Variants in SKI observed in about 807,000 individuals in gnomAD.
SKI encodes the protein ski oncogene.
Under a neutral mutation model 59.3 loss-of-function variants are expected in SKI, and 23 were observed. The observed-to-expected ratio is 0.39, with a 90% CI of 0.28 to 0.55. The LOEUF is 0.55. Among genes scored for constraint, SKI ranks in the 20% least tolerant of loss-of-function variants. The pLI is 0.67. For synonymous variants in SKI, 673 were observed against 488.6 expected (o/e 1.38, Z -4.98); for missense variants, 1,017 against 1,038.9 (o/e 0.98, Z 0.29).
chr1:2,246,234 G>A (rs985607423), intron 1 of SKI, among the ~76,000 whole-genome samples: 1 of 152,150 alleles, frequency 6.6e-6, no homozygotes, highest in Non-Finnish European at 1.5e-5. Flanking sequence ...ATCCTAATGG[G>A]TGTGAGGTGG....
At chr1:2,304,906 G>C (rs749578864) in intron 5 of SKI, among the ~76,000 whole-genome samples, 1 of 152,226 alleles carries the variant, frequency 6.6e-6, no homozygotes, top group Non-Finnish European at 1.5e-5. Context: ...TGTTTCTCTG[G>C]TATAAGGGAG....
chr1:2,251,719 G>A (rs1639155864), intron 1 of SKI, among the ~76,000 whole-genome samples: 1 of 152,238 alleles, frequency 6.6e-6, no homozygotes, highest in Non-Finnish European at 1.5e-5. Context: ...TAGGTTCACA[G>A]GTCTCAGCTG....
chr1:2,285,943 G>A (rs538400899), intron 1 of SKI, among the ~76,000 whole-genome samples: 6 of 142,178 alleles, frequency 4.2e-5, no homozygotes, highest in African/African-American at 1.3e-4. Flanking sequence ...GCACGATCTC[G>A]GCTCACTGCA....
intron 1 of SKI, among the ~76,000 whole-genome samples, chr1:2,253,308 A>G (rs1399377162): frequency 6.6e-6 from 1 of 151,996 alleles, no homozygotes; most frequent in Non-Finnish European, 1.5e-5. Flanking sequence ...CATGGGCTCC[A>G]GAGCACCCAG....
chr1:2,230,208 C>T (rs372873503), intron 1 of SKI, among the ~76,000 whole-genome samples: 15 of 152,358 alleles, frequency 9.8e-5, no homozygotes, highest in African/African-American at 1.7e-4. Flanking sequence ...GGCTGCCTGC[C>T]TTTGGGCCCC....
intron 1 of SKI, among the ~76,000 whole-genome samples, chr1:2,300,128 G>A (rs1809823): frequency 3.9e-5 from 6 of 152,100 alleles, no homozygotes; most frequent in South Asian, 2.1e-4. Flanking sequence ...AAGCTCACAC[G>A]CGTTGCCCGG....
At chr1:2,242,056 A>G (rs1048848666) in intron 1 of SKI, among the ~76,000 whole-genome samples, 1 of 152,098 alleles carries the variant, frequency 6.6e-6, no homozygotes, top group African/African-American at 2.4e-5. Flanking sequence ...TGGCAGAGTC[A>G]ATATCTTGTT....
rs573863671 is a variant in SKI, at chr1:2,229,334, C to G, written c.568C>G (p.Leu190Val). The change falls in exon 1 of 7, where the codon CTC becomes GTC. Residue 190 changes from leucine (L) to valine (V), a missense_variant. Leu to Val is a conservative substitution (Grantham distance 32). Coordinates refer to ENST00000378536, the MANE Select transcript of SKI (RefSeq NM_003036.4). The surrounding 1 kb of genome is among the most constrained non-coding windows in gnomAD (Gnocchi z 6.3). The stretch of plus-strand genomic sequence containing the variant: ...CGCCGAGCGCCTGTGCAACGCGCTG[C>G]TCTACGGCGGCGCCTACCCGCCGCC... Reference protein sequence around the residue: ...TDAERLCNALLYGGAYPPPCK... With the variant: ...TDAERLCNALVYGGAYPPPCK... The G allele has an allele frequency of 2.5e-6, 4 of 1,596,010 alleles. No individual in the cohort carries two copies. In the African/African-American group the frequency reaches 4.0e-5, roughly 16 times the overall value.
chr1:2,236,656 C>T (rs866342243), intron 1 of SKI, among the ~76,000 whole-genome samples: 5 of 152,192 alleles, frequency 3.3e-5, no homozygotes, highest in African/African-American at 4.8e-5. Context: ...CTGCCCACCT[C>T]GGCCTCCCAA....
intron 1 of SKI, among the ~76,000 whole-genome samples, chr1:2,255,485 G>A (rs991231294): frequency 6.6e-6 from 1 of 152,022 alleles, no homozygotes. Flanking sequence ...AACACACTGT[G>A]TCCTGACCTC....
chr1:2,288,424 G>A (rs1640091553), intron 1 of SKI, among the ~76,000 whole-genome samples: 1 of 152,220 alleles, frequency 6.6e-6, no homozygotes, highest in African/African-American at 2.4e-5. Flanking sequence ...GCCCAGCAGG[G>A]CTGTTTACTT....
chr1:2,283,470 C>G (rs1051225297), intron 1 of SKI, among the ~76,000 whole-genome samples: 1 of 152,334 alleles, frequency 6.6e-6, no homozygotes, highest in Non-Finnish European at 1.5e-5. Flanking sequence ...AGGGAGGGCC[C>G]TGTGATTCTC....
chr1:2,245,636 C>T (rs1638977276), intron 1 of SKI, among the ~76,000 whole-genome samples: 1 of 151,714 alleles, frequency 6.6e-6, no homozygotes, highest in Non-Finnish European at 1.5e-5. Context: ...CCACCATGCC[C>T]AGCTGATTTT....
chr1:2,295,367 A>G (rs1412768731), intron 1 of SKI, among the ~76,000 whole-genome samples: 1 of 152,268 alleles, frequency 6.6e-6, no homozygotes, highest in East Asian at 1.9e-4. Flanking sequence ...ATTCACTGTC[A>G]TATTTTTGAT....
chr1:2,277,070 A>AG (rs1225494261), intron 1 of SKI, among the ~76,000 whole-genome samples: 1 of 152,164 alleles, frequency 6.6e-6, no homozygotes, highest in Non-Finnish European at 1.5e-5. Flanking sequence ...GGCTGTAGGA[A>AG]GGGGTCTTTC....
intron 1 of SKI, among the ~76,000 whole-genome samples, chr1:2,237,572 G>T (rs1224905181): frequency 6.6e-6 from 1 of 152,214 alleles, no homozygotes; most frequent in East Asian, 1.9e-4. Flanking sequence ...GGAACCCCTG[G>T]TCCAGCTGTT....
chr1:2,252,615 T>C (rs1557821366), intron 1 of SKI, among the ~76,000 whole-genome samples: 1 of 152,020 alleles, frequency 6.6e-6, no homozygotes, highest in Non-Finnish European at 1.5e-5. Context: ...AGCCCCTTGC[T>C]CACGGTCCTT....
intron 1 of SKI, among the ~76,000 whole-genome samples, chr1:2,280,205 TAAA>T (rs891723159): frequency 2.2e-5 from 3 of 136,182 alleles, no homozygotes; most frequent in African/African-American, 9.3e-5. Context: ...ACGTATCTAC[TAAA>T]AAAAAAAAAA....
chr1:2,306,369 G>C (rs1364223167), intron 6 of SKI, 119 bp downstream of exon 6: 1 of 1,078,942 alleles, frequency 9.3e-7, no homozygotes, highest in African/African-American at 1.6e-5. Context: ...CCGGGACCAC[G>C]TTCCGTGCGT....
Sources: gnomAD v4.1 joint callset for allele counts (sites outside exome capture counted in the v4.1 genomes callset) on GRCh38, gnomAD v4.1.1 for gene constraint, Gnocchi (gnomAD v3.1) non-coding constraint, MANE v1.5 for transcripts, NCBI Gene and HGNC (gene_info 2026-07-23, HGNC 2026-07-21) for gene names.